PCDHA4: variants seen among roughly 807,000 people sequenced by gnomAD.
The protein encoded by PCDHA4 is protocadherin alpha 4.
Under a neutral mutation model 61.4 loss-of-function variants are expected in PCDHA4, and 49 were observed. That is an observed-to-expected ratio of 0.80 (90% CI 0.63 to 1.01). The LOEUF (loss-of-function observed/expected upper bound fraction) is 1.01. PCDHA4 is among the 50% of genes least tolerant of loss of function. The pLI, the probability that PCDHA4 is intolerant of heterozygous loss-of-function variation, is 0.00. For missense variants in PCDHA4, 1,254 were observed against 1,235.8 expected, an observed-to-expected ratio of 1.01 and a Z score of -0.22; for synonymous variants, 590 against 550.3, an observed-to-expected ratio of 1.07 and a Z score of -1.01.
rs1554228541 is a variant in PCDHA4 at position 140,966,673 on chromosome 5, T to C, written c.2386-12276T>C. 2.3e-6 allele frequency: 3 copies of C among 1,290,056 alleles called. No homozygotes were observed. The African/African-American group carries it at 4.7e-5, about 20-fold the overall frequency. The allele number at this position is 1,290,056 out of a possible 1,614,324, so 79.9% of individuals were successfully genotyped here. A position where few individuals can be genotyped will look rare whatever the true frequency, so the allele number is the denominator to read the frequency against. On this transcript the variant is annotated intron_variant, in intron 1 of 3. Coordinates refer to ENST00000530339, the MANE Select transcript of PCDHA4 (RefSeq NM_018907.4). ...GAGCGGTGGGGGAGCAGGCGCAGGG[T>C]GGCACGAGCGGAGGCGGGGCCCGGG...
At chr5:140,853,031 A>G (rs2150527488) in intron 1 of PCDHA4, 7 of 259,886 alleles carry the variant, frequency 2.7e-5, no homozygotes, top group Non-Finnish European at 4.4e-5. Flanking sequence ...GGCGCCTGCC[A>G]CCATGCCCGC....
At position 140,909,867 on chromosome 5, in the gene PCDHA4, C is replaced by T. The variant is rs544055697; in HGVS notation, c.2386-69082C>T. Among the ~76,000 whole-genome samples the T allele has an allele frequency of 2.8e-4, 43 of 152,282 alleles. 1 individual carries two copies. The highest frequency in any genetic ancestry group is 4.9e-4 in the Non-Finnish European group (33 of 68,020). On this transcript the variant is annotated intron_variant, in intron 1 of 3. Coordinates refer to ENST00000530339, the MANE Select transcript of PCDHA4 (RefSeq NM_018907.4). ...GACGTTTTCGGTCCCCTGGAGTCAA[C>T]GTCAGCTTAGAGACACTGTTCAGTA...
chr5:140,850,420 C>T lies in PCDHA4; in HGVS notation c.2385+40848C>T. The T allele has an allele frequency of 1.9e-6, 3 of 1,597,930 alleles. 1 individual carries two copies. The highest frequency in any genetic ancestry group is 2.6e-6 in the Non-Finnish European group (3 of 1,167,744). ...ACGCGTGCCCTGGACGAAACGGACG[C>T]ACCGCGCCAGCGCCTACTGGTGCTG... On this transcript the variant is annotated intron_variant, in intron 1 of 3. Transcript: ENST00000530339.
At chr5:140,909,269 A>G (rs1554193726) in intron 1 of PCDHA4, among the ~76,000 whole-genome samples, 1 of 152,240 alleles carries the variant, frequency 6.6e-6, no homozygotes, top group Admixed American at 6.5e-5. Context: ...CTGAAGGCAA[A>G]TTGCTTCTGG....
At chr5:140,951,986 C>A (rs2094668313) in intron 1 of PCDHA4, among the ~76,000 whole-genome samples, 2 of 152,166 alleles carry the variant, frequency 1.3e-5, no homozygotes, top group African/African-American at 4.8e-5. Flanking sequence ...AAGGGAAAAA[C>A]CAGCCAAAAG....
chr5:140,968,511 C>T, intron 1 of PCDHA4: 2 of 1,614,198 alleles, frequency 1.2e-6, no homozygotes, highest in Non-Finnish European at 1.7e-6. Context: ...ATTCTGTACC[C>T]TACCTCAACC....
At chr5:140,891,970 C>T (rs1554185021) in intron 1 of PCDHA4, among the ~76,000 whole-genome samples, 1 of 152,168 alleles carries the variant, frequency 6.6e-6, no homozygotes, top group African/African-American at 2.4e-5. Flanking sequence ...AGTAAATTTC[C>T]GTTCTCATAA....
intron 1 of PCDHA4, among the ~76,000 whole-genome samples, chr5:140,977,165 T>C (rs921089293): frequency 1.3e-5 from 2 of 152,156 alleles, no homozygotes; most frequent in Non-Finnish European, 2.9e-5. Context: ...TTCAGCAAAA[T>C]GAGTTTGATG....
Position 140,858,384 on chromosome 5 carries a change from T to C in PCDHA4, c.2385+48812T>C, listed in dbSNP as rs782413045. 1.8e-5 allele frequency: 29 copies of C among 1,582,610 alleles called. 1 individual carries two copies. The East Asian group carries it at 3.6e-4, about 20-fold the overall frequency. ...AGCCCCAGCCTTCCACCATGCCCAA[T>C]GGTAGATGTGGACGGGGAAGATCAG... On this transcript the variant is annotated intron_variant, in intron 1 of 3. Coordinates refer to ENST00000530339, the MANE Select transcript of PCDHA4 (RefSeq NM_018907.4).
intron 1 of PCDHA4, among the ~76,000 whole-genome samples, chr5:140,908,736 A>G (rs2074127705): frequency 6.6e-6 from 1 of 152,180 alleles, no homozygotes; most frequent in African/African-American, 2.4e-5. Flanking sequence ...GGCTCGAGAA[A>G]CAGAGCAACT....
At chr5:140,876,174 T>G (rs957879450) in intron 1 of PCDHA4, 2 of 1,613,816 alleles carry the variant, frequency 1.2e-6, no homozygotes, top group African/African-American at 2.7e-5. Flanking sequence ...CCGTCCTGGA[T>G]GTGAATGACA....
chr5:140,960,467 C>A (rs1554224775), intron 1 of PCDHA4, among the ~76,000 whole-genome samples: 1 of 152,010 alleles, frequency 6.6e-6, no homozygotes, highest in Non-Finnish European at 1.5e-5. Context: ...GAGAAGTAAT[C>A]CTTCTTACAC....
At chr5:140,916,760 G>A (rs1387005871) in intron 1 of PCDHA4, among the ~76,000 whole-genome samples, 1 of 152,180 alleles carries the variant, frequency 6.6e-6, no homozygotes, top group Non-Finnish European at 1.5e-5. Context: ...ATTAGGGGAG[G>A]GGTGGCACAA....
rs2150495935 is a variant in PCDHA4 at position 140,850,724 on chromosome 5, C to G, written c.2385+41152C>G. On this transcript the variant is annotated intron_variant, in intron 1 of 3. Coordinates refer to ENST00000530339, the MANE Select transcript of PCDHA4 (RefSeq NM_018907.4). ...GCAAGCCGACGCTGGTGTGTTCTAGCGCGGTGGGGAGTTGGTCGTACTCGC... is the reference window on the plus strand; with the variant it reads ...GCAAGCCGACGCTGGTGTGTTCTAGGGCGGTGGGGAGTTGGTCGTACTCGC... 5.0e-6 allele frequency: 8 copies of G among 1,597,668 alleles called. No individual in the cohort carries two copies. The African/African-American group carries it at 1.1e-4, about 22-fold the overall frequency.
chr5:140,845,303 T>C (rs937124524), intron 1 of PCDHA4, among the ~76,000 whole-genome samples: 1 of 149,684 alleles, frequency 6.7e-6, no homozygotes, highest in African/African-American at 2.4e-5. Flanking sequence ...TATGTCTACC[T>C]GGTTCTCAGG....
intron 1 of PCDHA4, chr5:140,881,522 A>G: frequency 5.1e-6 from 1 of 196,850 alleles, no homozygotes; most frequent in South Asian, 1.8e-4. Context: ...AAAATCCCAC[A>G]CATATTGACT....
In PCDHA4 at chr5:140,903,129, A is replaced by C. The variant is rs184256724; in HGVS notation, c.2386-75820A>C. On this transcript the variant is annotated intron_variant, in intron 1 of 3. Coordinates refer to ENST00000530339, the MANE Select transcript of PCDHA4 (RefSeq NM_018907.4). ...TAGCTCTACTTCTAAATCTTTAAGA[A>C]ATCTCCAAACTGTTTTCCATAGTGG... Among the ~76,000 whole-genome samples the C allele has an allele frequency of 2.8e-3, 421 of 152,322 alleles. 2 individuals carry two copies. Among genetic ancestry groups the C allele is most frequent in the Middle Eastern group, 0.014 (4 of 294 alleles).
rs1229103510 is a variant in PCDHA4, at chr5:140,850,051, C to T, written c.2385+40479C>T. The T allele has an allele frequency of 6.3e-6, 10 of 1,596,302 alleles. 1 individual carries two copies. The highest frequency in any genetic ancestry group is 7.7e-6 in the Non-Finnish European group (9 of 1,167,790). Reference sequence around the variant, plus strand: ...CACGCGGAGAGCGGCAAGGTGTACGCGCTGCAGCCGTTGGACCACGAGGAG... The same window carrying T: ...CACGCGGAGAGCGGCAAGGTGTACGTGCTGCAGCCGTTGGACCACGAGGAG... On this transcript the variant is annotated intron_variant, in intron 1 of 3. Coordinates refer to ENST00000530339, the MANE Select transcript of PCDHA4 (RefSeq NM_018907.4).
chr5:140,983,483 C>T (rs2097053951), intron 3 of PCDHA4, among the ~76,000 whole-genome samples: 1 of 152,220 alleles, frequency 6.6e-6, no homozygotes, highest in African/African-American at 2.4e-5. Flanking sequence ...ATAGTAGTTA[C>T]TAATTATTAA....
Sources: gnomAD v4.1 joint callset for allele counts (sites outside exome capture counted in the v4.1 genomes callset) on GRCh38, gnomAD v4.1.1 for gene constraint, MANE v1.5 for transcripts, NCBI Gene and HGNC (gene_info 2026-07-23, HGNC 2026-07-21) for gene names.